Variants in DNMT3B observed in about 807,000 individuals in gnomAD.
DNMT3B encodes DNA methyltransferase 3 beta.
In DNMT3B, 37 loss-of-function variants were observed where a neutral mutation model predicts 120.2. The ratio of observed to expected loss-of-function variants is 0.31; its 90% CI spans 0.24 to 0.40. The LOEUF is 0.40. Among genes scored for constraint, DNMT3B ranks in the 10% least tolerant of loss-of-function variants. DNMT3B has a pLI of 1.00. For synonymous variants in DNMT3B, 412 were observed against 442.8 expected (o/e 0.93, Z 0.87); for missense variants, 878 against 1,137.3 (o/e 0.77, Z 3.28).
chr20:32,765,887 C>T (rs1367919406), intron 1 of DNMT3B, among the ~76,000 whole-genome samples: 2 of 151,420 alleles, frequency 1.3e-5, no homozygotes, highest in Admixed American at 6.6e-5. Flanking sequence ...TCCCAAGTAG[C>T]TGGGACTACA....
At chr20:32,798,738 GAC>G (rs1980963096) in intron 15 of DNMT3B, 95 bp downstream of exon 15, 1 of 1,556,288 alleles carries the variant, frequency 6.4e-7, no homozygotes, top group Admixed American at 1.8e-5. Flanking sequence ...TAGAAGTAAA[GAC>G]ACGTTGTACC....
intron 4 of DNMT3B, among the ~76,000 whole-genome samples, chr20:32,785,870 CTTTCTTTCTTTCTTTTTT>C (rs956521550): frequency 6.7e-6 from 1 of 148,208 alleles, no homozygotes; most frequent in African/African-American, 2.6e-5. Flanking sequence ...ATTTTTCTTT[CTTTCTTTCTTTCTTTTTT>C]TTTCTTTTTT....
chr20:32,778,988 A>G (rs2145897891), intron 1 of DNMT3B, among the ~76,000 whole-genome samples: 1 of 152,208 alleles, frequency 6.6e-6, no homozygotes, highest in South Asian at 2.1e-4. Context: ...GGACAGATAG[A>G]AGATAAACTG....
At chr20:32,783,967 G>A (rs1358722240) in intron 3 of DNMT3B, among the ~76,000 whole-genome samples, 1 of 150,928 alleles carries the variant, frequency 6.6e-6, no homozygotes, top group African/African-American at 2.4e-5. Context: ...CTAGAGTGCG[G>A]TGGCGCGATC....
At chr20:32,807,654 TG>T in intron 22 of DNMT3B, 107 bp from the exon 23 acceptor site, 1 of 1,537,284 alleles carries the variant, frequency 6.5e-7, no homozygotes, top group Non-Finnish European at 8.9e-7. Flanking sequence ...ACCTTACTGA[TG>T]GGACTGAGGG....
At chr20:32,776,923 CGT>C (rs138586860) in intron 1 of DNMT3B, among the ~76,000 whole-genome samples, 4,701 of 151,696 alleles carry the variant, frequency 0.031, 239 homozygotes, top group African/African-American at 0.11. Context: ...TCTTGGCCTG[CGT>C]GTAGACTGAA....
rs770423841 is a variant in DNMT3B at position 32,805,348 on chromosome 20, G to A, written c.2242G>A (p.Ala748Thr). ...TTTGGCTGTTCCCAGGCCCGTGATA[G>A]CATCAAAGAATGATAAACTCGAGCT... The part of the protein sequence containing the change: ...NLPGMNRPVI[A>T]SKNDKLELQD... The change falls in exon 21 of 23, where the codon GCA (alanine) becomes ACA (threonine). Residue 748 changes from alanine to threonine, a missense_variant. Physicochemically the swap from Ala to Thr is moderately conservative, Grantham distance 58 (BLOSUM62 0). This residue lies in a region of DNMT3B where 334 missense variants were observed against 518.8 expected (regional missense o/e 0.64). Transcript: ENST00000328111. 1.2e-6 allele frequency: 2 copies of A among 1,614,170 alleles called. No individual in the cohort carries two copies. Among genetic ancestry groups the A allele is most frequent in the Admixed American group, 1.7e-5 (1 of 60,028 alleles).
intron 1 of DNMT3B, among the ~76,000 whole-genome samples, chr20:32,770,814 G>T (rs1303309057): frequency 6.6e-6 from 1 of 151,264 alleles, no homozygotes; most frequent in African/African-American, 2.4e-5. Context: ...GTTTCTCCGT[G>T]TTGGTCAGGC....
Position 32,788,765 on chromosome 20 carries a change from T to C in DNMT3B, c.655-89T>C. The C allele has an allele frequency of 2.6e-6, 4 of 1,545,696 alleles. No individual in the cohort carries two copies. In the South Asian group the frequency reaches 3.4e-5, roughly 13 times the overall value. On this transcript the variant is annotated intron_variant, in intron 6 of 22. Coordinates refer to ENST00000328111, the MANE Select transcript of DNMT3B (RefSeq NM_006892.4). Reference sequence around the variant, plus strand: ...CATCTTGCATTTTATGGCAAGCTTTTTGTTGCCCTCAGGGACAGTGGAGTG... The same window carrying C: ...CATCTTGCATTTTATGGCAAGCTTTCTGTTGCCCTCAGGGACAGTGGAGTG...
At chr20:32,763,009 G>A (rs1231064252) in intron 1 of DNMT3B, among the ~76,000 whole-genome samples, 1 of 152,098 alleles carries the variant, frequency 6.6e-6, no homozygotes, top group South Asian at 2.1e-4. Context: ...AAGCTTGCTC[G>A]CAGGGAGGGG....
At chr20:32,789,490 T>G (rs1209954967) in intron 7 of DNMT3B, among the ~76,000 whole-genome samples, 1 of 152,206 alleles carries the variant, frequency 6.6e-6, no homozygotes, top group Non-Finnish European at 1.5e-5. Context: ...TCTTGATGAT[T>G]GATTCTAGCC....
intron 3 of DNMT3B, 145 bp from the exon 4 acceptor site, chr20:32,784,613 G>C (rs1178499976): frequency 3.6e-6 from 3 of 838,310 alleles, no homozygotes; most frequent in African/African-American, 3.4e-5. Context: ...GTCTGTGTCT[G>C]CACCCATATG....
chr20:32,763,826 C>T (rs889526580), intron 1 of DNMT3B, among the ~76,000 whole-genome samples: 1 of 152,162 alleles, frequency 6.6e-6, no homozygotes, highest in African/African-American at 2.4e-5. Flanking sequence ...CACCCTCCCC[C>T]GAAGCTGGGA....
chr20:32,800,381 C>T, intron 17 of DNMT3B, 83 bp downstream of exon 17: 1 of 1,582,314 alleles, frequency 6.3e-7, no homozygotes, highest in Non-Finnish European at 8.7e-7. Context: ...CACATGTAGG[C>T]CCCATCCCTG....
chr20:32,794,221 AGGT>A (rs1980338003), intron 10 of DNMT3B, among the ~76,000 whole-genome samples: 1 of 150,588 alleles, frequency 6.6e-6, no homozygotes, highest in Non-Finnish European at 1.5e-5. Context: ...TAGCTGGGTG[AGGT>A]GGTGTGTGCC....
intron 1 of DNMT3B, among the ~76,000 whole-genome samples, chr20:32,774,297 C>T (rs1987936534): frequency 6.6e-6 from 1 of 151,874 alleles, no homozygotes; most frequent in African/African-American, 2.4e-5. Flanking sequence ...GCAAGCTCTG[C>T]CTCCCAGGTT....
At chr20:32,775,101 A>C (rs1253318836) in intron 1 of DNMT3B, among the ~76,000 whole-genome samples, 3 of 152,152 alleles carry the variant, frequency 2.0e-5, no homozygotes, top group African/African-American at 7.2e-5. Context: ...CGGGTGGTCC[A>C]CCTGCCTCAG....
At chr20:32,801,236 G>A (rs766430090) in intron 18 of DNMT3B, 42 bp from the exon 19 acceptor site, 13 of 1,613,850 alleles carry the variant, frequency 8.1e-6, no homozygotes, top group Non-Finnish European at 1.0e-5. Flanking sequence ...TTGGGCTGGA[G>A]GTTTCAAATG....
intron 16 of DNMT3B, among the ~76,000 whole-genome samples, chr20:32,799,823 T>G (rs1981099120): frequency 6.6e-6 from 1 of 152,262 alleles, no homozygotes; most frequent in South Asian, 2.1e-4. Flanking sequence ...TGGGCAGTCT[T>G]GGTCATTTTA....
Sources: gnomAD v4.1 joint callset for allele counts (sites outside exome capture counted in the v4.1 genomes callset) on GRCh38, gnomAD v4.1.1 for gene constraint, gnomAD v4.1.1 regional missense constraint, MANE v1.5 for transcripts, NCBI Gene and HGNC (gene_info 2026-07-23, HGNC 2026-07-21) for gene names.